Variants in CLIC5 observed in about 807,000 individuals in gnomAD.
CLIC5 encodes the protein CLIC family member 5.
CLIC5 carries 20 observed loss-of-function variants against 24.7 expected under a neutral mutation model. The ratio of observed to expected loss-of-function variants is 0.81; its 90% CI spans 0.57 to 1.18. The LOEUF is 1.18. Ranked by LOEUF, CLIC5 falls within the 50% of genes most tolerant of loss-of-function variation. CLIC5 has a pLI of 0.00. For synonymous variants in CLIC5, 159 were observed against 135.6 expected (o/e 1.17, Z -1.20); for missense variants, 341 against 326.1 (o/e 1.05, Z -0.35).
the CLIC5 span, among the ~76,000 whole-genome samples, chr6:46,101,991 G>A: frequency 6.6e-6 from 1 of 151,874 alleles, no homozygotes; most frequent in Non-Finnish European, 1.5e-5. Flanking sequence ...TGTTGGGGGT[G>A]GGGGTGGTAT....
intron 6 of CLIC5, among the ~76,000 whole-genome samples, chr6:45,882,163 C>T (rs1300169381): frequency 6.6e-6 from 1 of 152,154 alleles, no homozygotes; most frequent in Non-Finnish European, 1.5e-5. Flanking sequence ...CCAGAGACTC[C>T]CAATTACCAA....
the CLIC5 span, among the ~76,000 whole-genome samples, chr6:46,090,604 T>A: frequency 1.6e-4 from 24 of 152,234 alleles, no homozygotes; most frequent in Non-Finnish European, 3.4e-4. Flanking sequence ...AAAAATTGTA[T>A]ATACTTATGA....
the CLIC5 span, among the ~76,000 whole-genome samples, chr6:46,094,230 C>T: frequency 6.6e-6 from 1 of 152,196 alleles, no homozygotes; most frequent in South Asian, 2.1e-4. Context: ...GGCAGGGACA[C>T]AGATCCAAAC....
chr6:45,973,313 C>T (rs1765265308), intron 1 of CLIC5, among the ~76,000 whole-genome samples: 1 of 152,210 alleles, frequency 6.6e-6, no homozygotes, highest in Non-Finnish European at 1.5e-5. Flanking sequence ...TCCTGATGCC[C>T]ATGGCTGAGC....
rs531635507 is a variant in CLIC5 at position 46,076,504 on chromosome 6, AAG to A, written c.540+3197_540+3198del. Among the ~76,000 whole-genome samples the A allele has an allele frequency of 9.8e-4, 149 of 152,250 alleles. 1 individual carries two copies. The highest frequency in any genetic ancestry group is 2.8e-3 in the African/African-American group (118 of 41,550). On this transcript the variant is annotated intron_variant, in intron 1 of 5. Transcript: ENST00000185206. Reference sequence around the variant, plus strand: ...AATGGGATGATGGAAACAGGGCGAGAAGAGGTGATGTGATGTGGGCCATGCGC... The same window carrying A: ...AATGGGATGATGGAAACAGGGCGAGAAGGTGATGTGATGTGGGCCATGCGC...
At chr6:45,947,997 T>A (rs1764342474) in intron 3 of CLIC5, among the ~76,000 whole-genome samples, 1 of 152,216 alleles carries the variant, frequency 6.6e-6, no homozygotes, top group African/African-American at 2.4e-5. Flanking sequence ...GGAGCATGAC[T>A]GGCAGTTTTA....
the CLIC5 span, among the ~76,000 whole-genome samples, chr6:46,107,365 C>A: frequency 8.4e-4 from 128 of 152,310 alleles, no homozygotes; most frequent in South Asian, 3.9e-3. Flanking sequence ...TTCTCCCTGG[C>A]TCAGTTGTGC....
At chr6:46,101,733 T>A in the CLIC5 span, among the ~76,000 whole-genome samples, 4 of 152,200 alleles carry the variant, frequency 2.6e-5, no homozygotes, top group Non-Finnish European at 5.9e-5. Context: ...TTTGGTTTGG[T>A]CTGTTGAACC....
At chr6:46,040,760 T>A (rs1032951935) in intron 1 of CLIC5, among the ~76,000 whole-genome samples, 3 of 152,106 alleles carry the variant, frequency 2.0e-5, no homozygotes. Context: ...TGTGGTTTTT[T>A]TAAAAAAAGC....
chr6:46,027,928 T>C (rs1470897476), intron 1 of CLIC5, among the ~76,000 whole-genome samples: 1 of 152,238 alleles, frequency 6.6e-6, no homozygotes, highest in African/African-American at 2.4e-5. Flanking sequence ...TTAATTCTTT[T>C]TTACCTTGCT....
Position 45,911,724 on chromosome 6 carries a change from G to T in CLIC5, c.588+2504C>A, listed in dbSNP as rs183162650. 172 of 985,340 alleles carry T rather than the reference G, an allele frequency of 1.7e-4. No individual in the cohort carries two copies. The African/African-American group carries it at 2.2e-3, about 13-fold the overall frequency. The allele number at this position is 985,340 out of a possible 1,614,324, so 61.0% of individuals were successfully genotyped here. A position where few individuals can be genotyped will look rare whatever the true frequency, so the allele number is the denominator to read the frequency against. ...GTAAATATATACTTCTATTGATGTT[G>T]GTGTTCCCCTTCTTGTTTGTCTCCA... is the stretch of plus-strand genomic sequence containing the variant. On this transcript the variant is annotated intron_variant, in intron 5 of 5. Transcript: ENST00000339561.
At chr6:45,993,729 A>G (rs1766026664) in intron 1 of CLIC5, among the ~76,000 whole-genome samples, 1 of 152,210 alleles carries the variant, frequency 6.6e-6, no homozygotes, top group Admixed American at 6.5e-5. Flanking sequence ...AACTAAGGAG[A>G]AGGTAAAAAC....
At chr6:45,914,716 G>T (rs1279965435) in intron 4 of CLIC5, among the ~76,000 whole-genome samples, 1 of 151,886 alleles carries the variant, frequency 6.6e-6, no homozygotes, top group Admixed American at 6.6e-5. Flanking sequence ...ACTTTGGGAG[G>T]CCGAGGCGGG....
At chr6:46,108,330 G>C in the CLIC5 span, among the ~76,000 whole-genome samples, 1 of 151,160 alleles carries the variant, frequency 6.6e-6, no homozygotes. Context: ...CAAAAAAAAA[G>C]GGAAGAGAGA....
At chr6:46,114,680 C>T in the CLIC5 span, among the ~76,000 whole-genome samples, 1 of 152,192 alleles carries the variant, frequency 6.6e-6, no homozygotes, top group East Asian at 1.9e-4. Flanking sequence ...CCTATTCTAA[C>T]AGTTCTTCAA....
chr6:46,111,267 T>C, the CLIC5 span, among the ~76,000 whole-genome samples: 3 of 151,956 alleles, frequency 2.0e-5, no homozygotes, highest in East Asian at 1.9e-4. Context: ...TCATGCCTGA[T>C]GATGTATGGA....
At chr6:45,890,955 C>T (rs927605411) in intron 6 of CLIC5, among the ~76,000 whole-genome samples, 16 of 152,090 alleles carry the variant, frequency 1.1e-4, no homozygotes, top group African/African-American at 3.4e-4. Context: ...AGACATTGAT[C>T]AACAGGTTCA....
chr6:46,082,905 T>C (rs766663967), upstream of CLIC5, among the ~76,000 whole-genome samples: 24 of 152,226 alleles, frequency 1.6e-4, 1 homozygote, highest in Non-Finnish European at 4.4e-5. Context: ...TACTAGAATG[T>C]AAACCCTATA....
intron 5 of CLIC5, among the ~76,000 whole-genome samples, chr6:45,904,367 G>T (rs1016493576): frequency 6.6e-6 from 1 of 151,956 alleles, no homozygotes; most frequent in Non-Finnish European, 1.5e-5. Flanking sequence ...GGGACAGCAG[G>T]ATGGTTTCTT....
Sources: allele counts gnomAD v4.1 joint callset (sites outside exome capture counted in the v4.1 genomes callset), GRCh38; gene constraint gnomAD v4.1.1; transcripts MANE v1.5; gene names NCBI Gene and HGNC (gene_info 2026-07-23, HGNC 2026-07-21).